KCNJ14: variants seen among roughly 807,000 people sequenced by gnomAD.
KCNJ14 encodes the protein ATP-sensitive inward rectifier potassium channel 14.
A neutral mutation model predicts 24.5 loss-of-function variants in KCNJ14; 18 were observed. The observed-to-expected ratio is 0.74, with a 90% confidence interval of 0.51 to 1.09. KCNJ14 has a LOEUF of 1.09. Ranked by LOEUF, KCNJ14 falls within the 50% of genes least tolerant of loss-of-function variation. The pLI, the probability that KCNJ14 is intolerant of heterozygous loss-of-function variation, is 0.00. For missense variants in KCNJ14, 633 were observed against 623.0 expected (o/e 1.02, Z -0.17); for synonymous variants, 288 against 270.8 (o/e 1.06, Z -0.63).
At chr19:48,459,880 T>G (rs925184470) in intron 1 of KCNJ14, among the ~76,000 whole-genome samples, 2 of 152,052 alleles carry the variant, frequency 1.3e-5, no homozygotes, top group African/African-American at 4.8e-5. Context: ...AATACAAAAG[T>G]TAGCCAGGCG....
chr19:48,463,818 A>G lies in KCNJ14; in HGVS notation c.715-363A>G, dbSNP rs184061036. Among the ~76,000 whole-genome samples, 420 of 151,962 alleles carry G rather than the reference A, an allele frequency of 2.8e-3. 2 individuals carry two copies. The highest frequency in any genetic ancestry group is 9.6e-3 in the African/African-American group (397 of 41,426). The stretch of plus-strand genomic sequence containing the variant: ...CTGATTTCTGTGTCTCTATGCCAAT[A>G]TCACTCTGTCCCTCTCTCCTCTTCC... On this transcript the variant is annotated intron_variant, in intron 2 of 2. Coordinates refer to ENST00000342291, the MANE Select transcript of KCNJ14 (RefSeq NM_013348.4).
chr19:48,456,612 G>A (rs115577056), intron 1 of KCNJ14: 3,900 of 152,296 alleles, frequency 0.026, 76 homozygotes, highest in East Asian at 0.051. Flanking sequence ...GCCAGGCCCT[G>A]CCAAGAAGCC....
chr19:48,458,299 C>A (rs147762902), intron 1 of KCNJ14, among the ~76,000 whole-genome samples: 4 of 152,306 alleles, frequency 2.6e-5, no homozygotes, highest in Admixed American at 6.5e-5. Context: ...TTTTTCATTC[C>A]CCACAGCAGT....
At chr19:48,458,350 G>T (rs1363247277) in intron 1 of KCNJ14, among the ~76,000 whole-genome samples, 1 of 151,958 alleles carries the variant, frequency 6.6e-6, no homozygotes, top group Non-Finnish European at 1.5e-5. Flanking sequence ...GCCAACACTT[G>T]TTTTTTTTAT....
rs1027236211 is a variant in KCNJ14 at position 48,465,080 on chromosome 19, G to T, written c.*303G>T. The T allele has an allele frequency of 1.9e-5, 7 of 361,226 alleles. No individual in the cohort carries two copies. Among genetic ancestry groups the T allele is most frequent in the Middle Eastern group, 7.7e-4 (1 of 1,304 alleles). The allele number at this position is 361,226 out of a possible 1,614,324, so 22.4% of individuals were successfully genotyped here. ...AGTTCTAGATTCCTCTATATGGGGA[G>T]ACCTGGATTGTTGACCAGGGTGAGA... is the stretch of plus-strand genomic sequence containing the variant. On this transcript the variant is annotated 3_prime_UTR_variant, in exon 3 of 3. Transcript: ENST00000342291.
At position 48,465,043 on chromosome 19, in the gene KCNJ14, GA is replaced by G; in HGVS notation, c.*270del. ...ACCAGAATTCTGGATCACCCAAGAG[GA>G]AAAGACTGGCAGTTCTAGATTCCTC... On this transcript the variant is annotated 3_prime_UTR_variant, in exon 3 of 3. Coordinates refer to ENST00000342291, the MANE Select transcript of KCNJ14 (RefSeq NM_013348.4). 4.2e-6 allele frequency: 2 copies of G among 480,364 alleles called. No homozygotes were observed. The highest frequency in any genetic ancestry group is 3.5e-5 in the Admixed American group (1 of 28,900). 29.8% of individuals were successfully genotyped at this position (480,364 alleles called of 1,614,324 possible). A position where few individuals can be genotyped will look rare whatever the true frequency, so the allele number is the denominator to read the frequency against.
intron 1 of KCNJ14, among the ~76,000 whole-genome samples, chr19:48,459,877 A>C (rs930845631): frequency 6.6e-6 from 1 of 152,006 alleles, no homozygotes; most frequent in Non-Finnish European, 1.5e-5. Flanking sequence ...AAAAATACAA[A>C]AGTTAGCCAG....
Position 48,462,356 on chromosome 19 carries a change from A to G in KCNJ14, c.632A>G (p.His211Arg). The G allele has an allele frequency of 6.5e-7, 1 of 1,541,908 alleles. No individual in the cohort carries two copies. The highest frequency in any genetic ancestry group is 8.8e-7 in the Non-Finnish European group (1 of 1,139,514). ...AACGCCGTCGTGGCGCTGCGCGACC[A>G]CCGCCTCTGCCTCATGTGGCGCGTC... Reference protein sequence around the residue: ...SENAVVALRDHRLCLMWRVGN... With the variant: ...SENAVVALRDRRLCLMWRVGN... The change falls in exon 2 of 3, where the codon CAC (histidine) becomes CGC (arginine). Residue 211 changes from histidine to arginine, a missense_variant. His to Arg is a conservative substitution (Grantham distance 29). Coordinates refer to ENST00000342291, the MANE Select transcript of KCNJ14 (RefSeq NM_013348.4). This position sits in a 1 kb window ranked among gnomAD's most constrained non-coding sequence, Gnocchi z 4.9.
intron 2 of KCNJ14, among the ~76,000 whole-genome samples, chr19:48,463,009 C>T (rs941336074): frequency 3.9e-5 from 6 of 152,186 alleles, no homozygotes; most frequent in Non-Finnish European, 7.3e-5. Flanking sequence ...TGGGAGAATT[C>T]ATTCCCCACC....
In KCNJ14 at chr19:48,462,421, C is replaced by T. The variant is rs770440037; in HGVS notation, c.697C>T (p.Arg233Cys). 1 of 1,483,936 alleles carries T rather than the reference C, an allele frequency of 6.7e-7. No homozygotes were observed. The allele number at this position is 1,483,936 out of a possible 1,614,324, so 91.9% of individuals were successfully genotyped here. Reference protein sequence around the residue: ...RRSHLVEAHVRAQLLQPRVTP... With the variant: ...RRSHLVEAHVCAQLLQPRVTP... ...CAGCCACCTGGTCGAGGCCCACGTG[C>T]GTGCCCAGCTGCTGCAGGTGCGCCC... The change falls in exon 2 of 3, where the codon CGT becomes TGT. Residue 233 changes from arginine to cysteine, a missense_variant. Physicochemically the swap from Arg to Cys is radical, Grantham distance 180. Transcript: ENST00000342291. The surrounding 1 kb of genome is among the most constrained non-coding windows in gnomAD (Gnocchi z 4.9).
In KCNJ14 at chr19:48,462,239, C is replaced by G; in HGVS notation, c.515C>G (p.Ala172Gly). ...GCCGCCGTGGTGCTGCAGTGCATTG[C>G]CGGCTGCGTGCTCGACGCCTTCGTC... ...AVAAVVLQCI[A>G]GCVLDAFVVG... The change falls in exon 2 of 3, where the codon GCC becomes GGC. Residue 172 changes from alanine to glycine, a missense_variant. Transcript: ENST00000342291. This position sits in a 1 kb window ranked among gnomAD's most constrained non-coding sequence, Gnocchi z 4.9. 2 of 1,548,870 alleles carry G rather than the reference C, an allele frequency of 1.3e-6. No homozygotes were observed. Among genetic ancestry groups the G allele is most frequent in the Non-Finnish European group, 1.7e-6 (2 of 1,145,448 alleles).
chr19:48,463,925 T>C (rs1971627860), intron 2 of KCNJ14, among the ~76,000 whole-genome samples: 1 of 151,822 alleles, frequency 6.6e-6, no homozygotes, highest in South Asian at 2.1e-4. Flanking sequence ...CTCTGTCCCA[T>C]GTCCCATGTT....
rs1277609477 is a variant in KCNJ14, at chr19:48,466,485, G to A, written c.*1708G>A. On this transcript the variant is annotated 3_prime_UTR_variant, in exon 3 of 3. Transcript: ENST00000342291. ...CCTTGGTCCCTACAACAGGCTTAGA[G>A]ATGGAGTGCTAGCTAATTGGAATGA... The A allele has an allele frequency of 6.6e-6, 1 of 152,154 alleles. No individual in the cohort carries two copies. Among genetic ancestry groups the A allele is most frequent in the Non-Finnish European group, 1.5e-5 (1 of 68,042 alleles). The allele number at this position is 152,154 out of a possible 1,614,324, so 9.4% of individuals were successfully genotyped here. A position where few individuals can be genotyped will look rare whatever the true frequency, so the allele number is the denominator to read the frequency against.
chr19:48,463,109 C>T (rs1230829108), intron 2 of KCNJ14, among the ~76,000 whole-genome samples: 1 of 152,178 alleles, frequency 6.6e-6, no homozygotes, highest in African/African-American at 2.4e-5. Flanking sequence ...CCATTGGCCC[C>T]TGGGGTACTG....
In KCNJ14 at chr19:48,466,845, CAG is replaced by C. The variant is rs2147497598; in HGVS notation, c.*2071_*2072del. On this transcript the variant is annotated 3_prime_UTR_variant, in exon 3 of 3. Coordinates refer to ENST00000342291, the MANE Select transcript of KCNJ14 (RefSeq NM_013348.4). The stretch of plus-strand genomic sequence containing the variant: ...GTAGGCGTGGGCTGTGGCTAACAGC[CAG>C]AGTCACTTCCCTGGCCTAGCTTGGG... The C allele has an allele frequency of 6.6e-6, 1 of 152,360 alleles. No homozygotes were observed. Among genetic ancestry groups the C allele is most frequent in the Non-Finnish European group, 1.5e-5 (1 of 68,072 alleles). 9.4% of individuals were successfully genotyped at this position (152,360 alleles called of 1,614,324 possible).
intron 2 of KCNJ14, 67 bp from the exon 3 acceptor site, chr19:48,464,110 CCTCT>C: frequency 1.9e-6 from 2 of 1,041,232 alleles, no homozygotes; most frequent in Non-Finnish European, 3.0e-6. Context: ...TGCATCTCTT[CCTCT>C]CTCTCACTTC....
Position 48,461,948 on chromosome 19 carries a change from G to A in KCNJ14, c.224G>A (p.Ser75Asn), listed in dbSNP as rs942915725. 27 of 1,612,866 alleles carry A rather than the reference G, an allele frequency of 1.7e-5. No homozygotes were observed. Among genetic ancestry groups the A allele is most frequent in the Non-Finnish European group, 2.2e-5 (26 of 1,179,556 alleles). ...GGTGGCCAGGGCGCGCGCTACCTGA[G>A]CGACCTGTTCACCACATGCGTGGAC... The part of the protein sequence containing the change: ...NLGGQGARYL[S>N]DLFTTCVDVR... Residue 75 changes from serine (S) to asparagine (N), a missense_variant, in exon 2 of 3, where the codon AGC becomes AAC. Ser to Asn is a conservative substitution (Grantham distance 46). Coordinates refer to ENST00000342291, the MANE Select transcript of KCNJ14 (RefSeq NM_013348.4).
intron 1 of KCNJ14, among the ~76,000 whole-genome samples, chr19:48,459,156 C>T (rs1303263913): frequency 2.1e-5 from 3 of 146,142 alleles, no homozygotes; most frequent in Non-Finnish European, 3.0e-5. Context: ...AGGAGAATGG[C>T]GTGAACCCAG....
chr19:48,458,528 G>A (rs1971560028), intron 1 of KCNJ14, among the ~76,000 whole-genome samples: 1 of 152,072 alleles, frequency 6.6e-6, no homozygotes, highest in Admixed American at 6.6e-5. Flanking sequence ...TTGTGCCTCA[G>A]CCTCCAGAGT....
Sources: allele counts gnomAD v4.1 joint callset (sites outside exome capture counted in the v4.1 genomes callset), GRCh38; gene constraint gnomAD v4.1.1; non-coding constraint Gnocchi (gnomAD v3.1); transcripts MANE v1.5; gene names NCBI Gene and HGNC (gene_info 2026-07-23, HGNC 2026-07-21).